The following NFATC3 variants were observed in gnomAD, a reference collection of about 807,000 sequenced individuals.
The protein encoded by NFATC3 is nuclear factor of activated T cells 3.
In NFATC3, 46 loss-of-function variants were observed where a neutral mutation model predicts 98.6. That is an observed-to-expected ratio of 0.47 (90% CI 0.37 to 0.60). The LOEUF (loss-of-function observed/expected upper bound fraction) is 0.60, where lower values mean the gene tolerates loss of function less well. Among genes scored for constraint, NFATC3 ranks in the 20% least tolerant of loss-of-function variants. NFATC3 has a pLI of 0.00. For synonymous variants in NFATC3, 512 were observed against 472.2 expected (o/e 1.08, Z -1.09); for missense variants, 1,256 against 1,295.5 (o/e 0.97, Z 0.47).
In NFATC3 at chr16:68,122,635, A is replaced by G. The variant is rs1248083220; in HGVS notation, c.752A>G (p.Asp251Gly). The G allele has an allele frequency of 6.2e-7, 1 of 1,614,090 alleles. No individual in the cohort carries two copies. The highest frequency in any genetic ancestry group is 1.7e-5 in the Admixed American group (1 of 60,012). ...PCHSPRSSVT[D>G]ENWLSPRPAS... ...CACTCTCCTAGATCCAGTGTCACTG[A>G]TGAGAATTGGCTGAGCCCCAGGCCA... Residue 251 changes from aspartate to glycine, a missense_variant, in exon 2 of 10, where the codon GAT (aspartate) becomes GGT (glycine). Asp to Gly is a moderately conservative substitution (Grantham distance 94). Around this residue, in one of 3 missense-constraint regions of NFATC3, gnomAD observed 464 missense variants for 465.7 expected, o/e 1.00. Coordinates refer to ENST00000346183, the MANE Select transcript of NFATC3 (RefSeq NM_173165.3).
chr16:68,192,511 T>C (rs2040488496), intron 9 of NFATC3, among the ~76,000 whole-genome samples: 1 of 151,954 alleles, frequency 6.6e-6, no homozygotes, highest in African/African-American at 2.4e-5. Context: ...TATTGCTGAA[T>C]GCTGTCCTTT....
chr16:68,228,103 C>G lies in NFATC3; in HGVS notation c.*1632C>G, dbSNP rs948598457. On this transcript the variant is annotated 3_prime_UTR_variant, in exon 10 of 10. Coordinates refer to ENST00000346183, the MANE Select transcript of NFATC3 (RefSeq NM_173165.3). ...CCACCTGTTGTCAGTAGGTTAGGAG[C>G]TGTTGACTCAGGATGAGGAAGTATG... 3 of 152,044 alleles carry G rather than the reference C, an allele frequency of 2.0e-5. No individual in the cohort carries two copies. Among genetic ancestry groups the G allele is most frequent in the African/African-American group, 7.3e-5 (3 of 41,372 alleles). 9.4% of individuals were successfully genotyped at this position (152,044 alleles called of 1,614,324 possible). A position where few individuals can be genotyped will look rare whatever the true frequency, so the allele number is the denominator to read the frequency against.
intron 9 of NFATC3, among the ~76,000 whole-genome samples, chr16:68,199,412 G>T (rs1253280148): frequency 3.4e-5 from 5 of 148,328 alleles, no homozygotes; most frequent in Admixed American, 6.8e-5. Flanking sequence ...TTTTAGTAGA[G>T]GCGGGGTTTC....
chr16:68,168,764 G>A (rs904809907), intron 5 of NFATC3, among the ~76,000 whole-genome samples: 62 of 152,020 alleles, frequency 4.1e-4, no homozygotes, highest in African/African-American at 1.4e-3. Flanking sequence ...GATTACAGGC[G>A]TGAGCCACCG....
At chr16:68,172,846 G>A (rs1270885739) in intron 5 of NFATC3, among the ~76,000 whole-genome samples, 1 of 152,122 alleles carries the variant, frequency 6.6e-6, no homozygotes, top group African/African-American at 2.4e-5. Flanking sequence ...TCTACAGTTT[G>A]AAACTCAAGC....
intron 4 of NFATC3, among the ~76,000 whole-genome samples, chr16:68,166,262 A>G (rs1026098188): frequency 6.6e-6 from 1 of 152,200 alleles, no homozygotes; most frequent in African/African-American, 2.4e-5. Context: ...ACTGAGCTCA[A>G]CTGGTCCATT....
intron 3 of NFATC3, among the ~76,000 whole-genome samples, chr16:68,150,412 TAAAAAAAA>T (rs60606928): frequency 1.2e-5 from 1 of 81,080 alleles, no homozygotes; most frequent in East Asian, 4.0e-4. Context: ...CTTCTATATC[TAAAAAAAA>T]AAAAAAAAAA....
chr16:68,184,961 T>A (rs948462596), intron 8 of NFATC3, among the ~76,000 whole-genome samples: 16 of 152,070 alleles, frequency 1.1e-4, no homozygotes, highest in African/African-American at 3.9e-4. Context: ...TTATAATTAA[T>A]TCTATAATTA....
At chr16:68,195,160 CAA>C (rs1457838822) in intron 9 of NFATC3, among the ~76,000 whole-genome samples, 1 of 151,350 alleles carries the variant, frequency 6.6e-6, no homozygotes, top group African/African-American at 2.4e-5. Flanking sequence ...GAGGCTGAGA[CAA>C]GAGAATTGCT....
chr16:68,094,431 A>G (rs1207391773), intron 1 of NFATC3, among the ~76,000 whole-genome samples: 1 of 152,208 alleles, frequency 6.6e-6, no homozygotes, highest in Non-Finnish European at 1.5e-5. Flanking sequence ...TCAAAAAAAA[A>G]AAAATGAGTA....
intron 1 of NFATC3, among the ~76,000 whole-genome samples, chr16:68,087,809 C>A (rs2034472671): frequency 6.6e-6 from 1 of 152,076 alleles, no homozygotes; most frequent in Non-Finnish European, 1.5e-5. Flanking sequence ...TAATATGTGA[C>A]CTTTTGTGTC....
At chr16:68,119,953 A>C (rs1338561295) in intron 1 of NFATC3, among the ~76,000 whole-genome samples, 1 of 152,090 alleles carries the variant, frequency 6.6e-6, no homozygotes. Flanking sequence ...AATGAACAGC[A>C]CAAAGTTAGC....
At chr16:68,118,273 C>T (rs1213824979) in intron 1 of NFATC3, among the ~76,000 whole-genome samples, 3 of 152,174 alleles carry the variant, frequency 2.0e-5, no homozygotes, top group African/African-American at 7.2e-5. Flanking sequence ...GTCTGATTCT[C>T]TCTTCTACCA....
At chr16:68,159,772 GA>G (rs2038802648) in intron 4 of NFATC3, among the ~76,000 whole-genome samples, 1 of 151,598 alleles carries the variant, frequency 6.6e-6, no homozygotes, top group Non-Finnish European at 1.5e-5. Context: ...GCTATTGCAA[GA>G]ACAGTCCTAT....
At chr16:68,220,757 C>CA (rs11372732) in intron 9 of NFATC3, among the ~76,000 whole-genome samples, 39,236 of 132,348 alleles carry the variant, frequency 0.3, 6,745 homozygotes, top group African/African-American at 0.51. Flanking sequence ...AAAAAAAATA[C>CA]AAAAAAAAAA....
chr16:68,140,995 T>C (rs892921932), intron 3 of NFATC3, among the ~76,000 whole-genome samples: 1 of 152,206 alleles, frequency 6.6e-6, no homozygotes, highest in African/African-American at 2.4e-5. Context: ...CCACTCTTTA[T>C]GCCTTTGTGT....
In NFATC3 at chr16:68,181,458, A is replaced by G. The variant is rs1567536925; in HGVS notation, c.1916-17A>G. 6.2e-7 allele frequency: 1 copy of G among 1,601,630 alleles called. No homozygotes were observed. On this transcript the variant is annotated splice_polypyrimidine_tract_variant and intron_variant, in intron 6 of 9. Transcript: ENST00000346183. ...TGATATGAATTGCTTTTAACTATAA[A>G]CTCTTTCTTTCAATAGATGGACGAC...
intron 7 of NFATC3, among the ~76,000 whole-genome samples, chr16:68,182,710 G>A (rs1352079579): frequency 6.6e-6 from 1 of 151,702 alleles, no homozygotes. Context: ...GTAGAGATAG[G>A]GTTTTAACAT....
chr16:68,108,890 G>A (rs770330674), intron 1 of NFATC3, among the ~76,000 whole-genome samples: 6 of 152,092 alleles, frequency 3.9e-5, no homozygotes, highest in Admixed American at 2.6e-4. Context: ...TCTTGTTGGC[G>A]TAAAGGAATG....
Sources: gnomAD v4.1 joint callset for allele counts (sites outside exome capture counted in the v4.1 genomes callset) on GRCh38, gnomAD v4.1.1 for gene constraint, gnomAD v4.1.1 regional missense constraint, MANE v1.5 for transcripts, NCBI Gene and HGNC (gene_info 2026-07-23, HGNC 2026-07-21) for gene names.